Variants in ADAMTSL3 observed in about 807,000 individuals in gnomAD.
The protein encoded by ADAMTSL3 is ADAMTS like 3.
ADAMTSL3 carries 128 observed loss-of-function variants against 201.7 expected under a neutral mutation model. The observed-to-expected ratio is 0.63, with a 90% CI of 0.55 to 0.73. The LOEUF (loss-of-function observed/expected upper bound fraction) is 0.73, where lower values mean the gene tolerates loss of function less well. Among genes scored for constraint, ADAMTSL3 ranks in the 30% least tolerant of loss-of-function variants. The probability of loss-of-function intolerance (pLI) is 0.00; values close to 1 mark genes in which losing one functional copy is unlikely to be tolerated. For synonymous variants in ADAMTSL3, 738 were observed against 748.4 expected, an observed-to-expected ratio of 0.99 and a Z score of 0.23; for missense variants, 1,990 against 2,119.6, an observed-to-expected ratio of 0.94 and a Z score of 1.20.
At chr15:83,759,912 T>C (rs2062782253) in intron 3 of ADAMTSL3, among the ~76,000 whole-genome samples, 1 of 152,198 alleles carries the variant, frequency 6.6e-6, no homozygotes, top group Admixed American at 6.5e-5. Context: ...GAATCTGCAG[T>C]GATATTCCAC....
At chr15:83,767,270 G>T (rs1423961389) in intron 3 of ADAMTSL3, among the ~76,000 whole-genome samples, 1 of 152,122 alleles carries the variant, frequency 6.6e-6, no homozygotes, top group Non-Finnish European at 1.5e-5. Context: ...CATTAATAAT[G>T]GTTAACAGTG....
intron 4 of ADAMTSL3, among the ~76,000 whole-genome samples, chr15:83,801,657 T>TATATATAAATATAA (rs2063520635): frequency 3.0e-5 from 1 of 33,138 alleles, no homozygotes; most frequent in Non-Finnish European, 6.6e-5. Context: ...TATAAATATA[T>TATATATAAATATAA]ATATATATAT....
intron 7 of ADAMTSL3, among the ~76,000 whole-genome samples, chr15:83,843,254 A>ATT (rs746991504): frequency 0.3 from 44,747 of 150,098 alleles, 7,449 homozygotes; most frequent in East Asian, 0.51. Flanking sequence ...TTTTTTTTAA[A>ATT]AAAAATCAAT....
chr15:83,823,056 G>T (rs1221905242), intron 6 of ADAMTSL3, among the ~76,000 whole-genome samples: 1 of 151,890 alleles, frequency 6.6e-6, no homozygotes, highest in East Asian at 2.0e-4. Context: ...CCAGTCAGGC[G>T]TGGCGGCGCG....
chr15:83,781,737 A>C (rs1246789616), intron 4 of ADAMTSL3, among the ~76,000 whole-genome samples: 1 of 152,172 alleles, frequency 6.6e-6, no homozygotes, highest in Non-Finnish European at 1.5e-5. Context: ...CAAGAAAAAA[A>C]CAAACAACTC....
At chr15:83,748,614 C>T (rs1479993397) in intron 3 of ADAMTSL3, among the ~76,000 whole-genome samples, 3 of 120,568 alleles carry the variant, frequency 2.5e-5, no homozygotes, top group African/African-American at 3.4e-5. Flanking sequence ...TGTGCCAATG[C>T]ACAACAGCCT....
At chr15:84,008,253 G>A (rs1167491973) in intron 23 of ADAMTSL3, among the ~76,000 whole-genome samples, 1 of 152,020 alleles carries the variant, frequency 6.6e-6, no homozygotes, top group African/African-American at 2.4e-5. Context: ...GGGATTACAG[G>A]CTAAATGTTT....
chr15:83,966,534 T>G (rs910004656), intron 19 of ADAMTSL3, among the ~76,000 whole-genome samples: 4 of 152,080 alleles, frequency 2.6e-5, no homozygotes, highest in African/African-American at 9.7e-5. Context: ...AGACAGTAAT[T>G]AATAGCCTAC....
intron 2 of ADAMTSL3, among the ~76,000 whole-genome samples, chr15:83,681,960 G>A (rs534409891): frequency 6.6e-6 from 1 of 152,190 alleles, no homozygotes; most frequent in South Asian, 2.1e-4. Flanking sequence ...ACCTGTACTT[G>A]ATCTAGCAAA....
chr15:84,034,980 T>C (rs184202597), intron 28 of ADAMTSL3, among the ~76,000 whole-genome samples: 3 of 152,342 alleles, frequency 2.0e-5, no homozygotes, highest in Non-Finnish European at 4.4e-5. Context: ...CAGGTGTCTC[T>C]GTCCTGAGTC....
In ADAMTSL3 at chr15:83,942,895, C is replaced by T. The variant is rs1315551208; in HGVS notation, c.2311-8C>T. 1.2e-6 allele frequency: 2 copies of T among 1,610,496 alleles called. No individual in the cohort carries two copies. Among genetic ancestry groups the T allele is most frequent in the African/African-American group, 1.3e-5 (1 of 74,890 alleles). ...AGCCTGCCGCCTCACCCCCTCTTGT[C>T]TTCTTAGTGTTCCAGGACTTGTGGC... On this transcript the variant is annotated splice_region_variant and splice_polypyrimidine_tract_variant and intron_variant, in intron 18 of 29. Coordinates refer to ENST00000286744, the MANE Select transcript of ADAMTSL3 (RefSeq NM_207517.3).
intron 13 of ADAMTSL3, 126 bp from the exon 14 acceptor site, chr15:83,897,732 A>G: frequency 9.2e-7 from 1 of 1,085,570 alleles, no homozygotes; most frequent in Non-Finnish European, 1.2e-6. Flanking sequence ...CTTACATAAT[A>G]TTTGTCTAAA....
At chr15:83,747,614 G>T (rs901501695) in intron 3 of ADAMTSL3, among the ~76,000 whole-genome samples, 9 of 152,056 alleles carry the variant, frequency 5.9e-5, no homozygotes, top group Admixed American at 5.9e-4. Flanking sequence ...GAGGACGAGA[G>T]GATTTATCTT....
chr15:83,899,629 A>G lies in ADAMTSL3; in HGVS notation c.1616-18A>G, dbSNP rs375335530. 150 of 1,605,926 alleles carry G rather than the reference A, an allele frequency of 9.3e-5. No homozygotes were observed. The highest frequency in any genetic ancestry group is 1.2e-4 in the Non-Finnish European group (141 of 1,175,378). On this transcript the variant is annotated intron_variant, in intron 14 of 29. Transcript: ENST00000286744. ...TTAATAGTAATTAGGCTCATTGTTT[A>G]TGTTCTCTTTTTCTTAGAAAAAAGT...
rs60133241 is a variant in ADAMTSL3 at position 83,801,658 on chromosome 15, AT to A, written c.318-2991del. Reference sequence around the variant, plus strand: ...TATAAATATATAAATATAAATATATATATATATATATATATATATATATATA... The same window carrying A: ...TATAAATATATAAATATAAATATATAATATATATATATATATATATATATA... On this transcript the variant is annotated intron_variant, in intron 4 of 29. Transcript: ENST00000286744. Among the ~76,000 whole-genome samples the A allele has an allele frequency of 4.4e-3, 301 of 68,746 alleles. 7 individuals are homozygous for A. The highest frequency in any genetic ancestry group is 8.2e-3 in the African/African-American group (176 of 21,430). The allele number at this position is 68,746 out of a possible 152,430, so 45.1% of individuals were successfully genotyped here. A position where few individuals can be genotyped will look rare whatever the true frequency, so the allele number is the denominator to read the frequency against.
chr15:83,685,798 C>G (rs1449976901), intron 2 of ADAMTSL3, among the ~76,000 whole-genome samples: 2 of 152,198 alleles, frequency 1.3e-5, no homozygotes, highest in Non-Finnish European at 2.9e-5. Context: ...TTTAGATAAA[C>G]TATGCCAAGC....
At position 84,036,927 on chromosome 15, in the gene ADAMTSL3, C is replaced by T; in HGVS notation, c.4909C>T (p.His1637Tyr). 1.2e-6 allele frequency: 2 copies of T among 1,614,120 alleles called. No individual in the cohort carries two copies. The highest frequency in any genetic ancestry group is 1.7e-6 in the Non-Finnish European group (2 of 1,180,010). ...GAGTTGCAAACCTGTGGCCAAGAGA[C>T]ACTGTGTACAGAAAAAGAAACCAAT... ...TRSCKPVAKR[H>Y]CVQKKKPISW... Residue 1637 changes from histidine (H) to tyrosine (Y), a missense_variant, in exon 29 of 30, where the codon CAC (histidine) becomes TAC (tyrosine). Transcript: ENST00000286744.
chr15:83,724,265 A>C (rs1173989314), intron 3 of ADAMTSL3, among the ~76,000 whole-genome samples: 1 of 151,556 alleles, frequency 6.6e-6, no homozygotes, highest in Non-Finnish European at 1.5e-5. Flanking sequence ...CACACAGCTA[A>C]TTTTTGTATT....
intron 7 of ADAMTSL3, among the ~76,000 whole-genome samples, chr15:83,851,927 A>G (rs926048082): frequency 1.3e-5 from 2 of 152,202 alleles, no homozygotes; most frequent in African/African-American, 4.8e-5. Flanking sequence ...TCCACTTTTT[A>G]GAGGTCTAAA....
Sources: allele counts gnomAD v4.1 joint callset (sites outside exome capture counted in the v4.1 genomes callset), GRCh38; gene constraint gnomAD v4.1.1; transcripts MANE v1.5; gene names NCBI Gene and HGNC (gene_info 2026-07-23, HGNC 2026-07-21).